Variants in CDYL2 observed in about 807,000 individuals in gnomAD.
The protein encoded by CDYL2 is chromodomain Y-like protein 2.
Under a neutral mutation model 49.4 loss-of-function variants are expected in CDYL2, and 23 were observed. The ratio of observed to expected loss-of-function variants is 0.47; its 90% CI spans 0.34 to 0.66. CDYL2 has a LOEUF of 0.66. CDYL2 is among the 30% of genes least tolerant of loss of function. The probability of loss-of-function intolerance (pLI) is 0.01; values close to 1 mark genes in which losing one functional copy is unlikely to be tolerated. For missense variants in CDYL2, 678 were observed against 656.4 expected (o/e 1.03, Z -0.36); for synonymous variants, 360 against 268.8 (o/e 1.34, Z -3.32).
chr16:80,708,865 T>C (rs1240345482), intron 1 of CDYL2, among the ~76,000 whole-genome samples: 2 of 152,216 alleles, frequency 1.3e-5, no homozygotes, highest in Non-Finnish European at 2.9e-5. Flanking sequence ...TGATGAAATC[T>C]TTATTATAAA....
intron 1 of CDYL2, among the ~76,000 whole-genome samples, chr16:80,801,950 T>A (rs897037125): frequency 6.6e-6 from 1 of 152,196 alleles, no homozygotes; most frequent in Non-Finnish European, 1.5e-5. Context: ...CTTTTAGTAA[T>A]GACTATGCAA....
intron 1 of CDYL2, among the ~76,000 whole-genome samples, chr16:80,796,723 T>G (rs1310531502): frequency 1.3e-5 from 2 of 152,184 alleles, no homozygotes; most frequent in Non-Finnish European, 2.9e-5. Flanking sequence ...ATTCTCCCAC[T>G]TCACCCTGGA....
intron 2 of CDYL2, among the ~76,000 whole-genome samples, chr16:80,654,410 T>C (rs1461015002): frequency 6.6e-6 from 1 of 152,226 alleles, no homozygotes; most frequent in Non-Finnish European, 1.5e-5. Flanking sequence ...TGGCTCTTAT[T>C]TGCTTTATAA....
intron 1 of CDYL2, among the ~76,000 whole-genome samples, chr16:80,743,988 C>T (rs1905839560): frequency 6.6e-6 from 1 of 152,090 alleles, no homozygotes; most frequent in Non-Finnish European, 1.5e-5. Flanking sequence ...AAGGGAACCT[C>T]CCTACTGGAG....
intron 1 of CDYL2, among the ~76,000 whole-genome samples, chr16:80,734,540 G>C (rs1375206462): frequency 1.3e-5 from 2 of 152,186 alleles, no homozygotes; most frequent in African/African-American, 4.8e-5. Context: ...GAGAAACTCA[G>C]AATAGGGAAG....
chr16:80,750,496 A>G (rs1906094553), intron 1 of CDYL2, among the ~76,000 whole-genome samples: 2 of 152,074 alleles, frequency 1.3e-5, no homozygotes, highest in Admixed American at 6.5e-5. Context: ...AAAAGAGGCT[A>G]TAAACACAAA....
chr16:80,784,977 C>T (rs1907387404), intron 1 of CDYL2, among the ~76,000 whole-genome samples: 1 of 151,818 alleles, frequency 6.6e-6, no homozygotes, highest in Admixed American at 6.6e-5. Flanking sequence ...GCTGCATGAA[C>T]AAAAAAGAGT....
At chr16:80,659,946 T>C (rs1483141677) in intron 2 of CDYL2, among the ~76,000 whole-genome samples, 1 of 151,792 alleles carries the variant, frequency 6.6e-6, no homozygotes, top group African/African-American at 2.4e-5. Context: ...GGTAAAGAGT[T>C]CTTAAAAAAA....
In CDYL2 at chr16:80,633,256, A is replaced by G; in HGVS notation, c.617-20T>C. 6.2e-7 allele frequency: 1 copy of G among 1,603,522 alleles called. No homozygotes were observed. Among genetic ancestry groups the G allele is most frequent in the Non-Finnish European group, 8.5e-7 (1 of 1,171,766 alleles). ...CAGAGCCTTCCAAAACCAGATAAAC[A>G]ATGTAAGAAACTGAAATGGACCACG... On this transcript the variant is annotated intron_variant, in intron 2 of 6. Coordinates refer to ENST00000570137, the MANE Select transcript of CDYL2 (RefSeq NM_152342.4).
At chr16:80,713,766 C>G (rs1374915171) in intron 1 of CDYL2, among the ~76,000 whole-genome samples, 1 of 152,098 alleles carries the variant, frequency 6.6e-6, no homozygotes. Flanking sequence ...ATGGCTATAT[C>G]ATAAAAGTGA....
intron 1 of CDYL2, among the ~76,000 whole-genome samples, chr16:80,782,563 A>G (rs908831303): frequency 2.0e-5 from 3 of 151,108 alleles, no homozygotes; most frequent in Non-Finnish European, 4.4e-5. Flanking sequence ...CTACAGGCCA[A>G]TATCCCTGAC....
Position 80,620,726 on chromosome 16 carries a change from C to A in CDYL2, c.1007+37G>T, listed in dbSNP as rs752187658. 2.0e-5 allele frequency: 30 copies of A among 1,514,832 alleles called. 1 individual carries two copies. In the South Asian group the frequency reaches 3.8e-4, roughly 19 times the overall value. The allele number at this position is 1,514,832 out of a possible 1,614,324, so 93.8% of individuals were successfully genotyped here. On this transcript the variant is annotated intron_variant, in intron 4 of 6. Transcript: ENST00000570137. ...TGTATTTTTACTTGGTAATCCTACG[C>A]AGGACCCCAGGGTGTGTGAAAAGGA...
At chr16:80,638,745 T>C (rs768069370) in intron 2 of CDYL2, among the ~76,000 whole-genome samples, 2 of 151,948 alleles carry the variant, frequency 1.3e-5, no homozygotes, top group African/African-American at 2.4e-5. Context: ...TCTCAACAAA[T>C]TGTACTGGAA....
chr16:80,627,113 T>C lies in CDYL2; in HGVS notation c.834+5906A>G, dbSNP rs551853144. Among the ~76,000 whole-genome samples the C allele has an allele frequency of 2.7e-4, 41 of 152,300 alleles. 1 individual carries two copies. Among genetic ancestry groups the C allele is most frequent in the Admixed American group, 2.4e-3 (36 of 15,312 alleles). On this transcript the variant is annotated intron_variant, in intron 3 of 6. Transcript: ENST00000570137. The stretch of plus-strand genomic sequence containing the variant: ...TCTGAATTGAGAATCTCCAGCCCTG[T>C]GCCCTGCTGGAAGGATGGAATAAGC...
intron 2 of CDYL2, among the ~76,000 whole-genome samples, chr16:80,643,165 G>A (rs111395283): frequency 0.017 from 2,588 of 152,216 alleles, 28 homozygotes; most frequent in Middle Eastern, 0.041. Context: ...AAAACAAAGG[G>A]GTTACAGGGC....
intron 2 of CDYL2, among the ~76,000 whole-genome samples, chr16:80,676,963 A>ATTTTTTTTTTTTTTTTTTTTTTTTTTTT (rs35188796): frequency 1.7e-5 from 1 of 60,058 alleles, no homozygotes; most frequent in African/African-American, 5.0e-5. Context: ...AATTCAATGT[A>ATTTTTTTTTTTTTTTTTTTTTTTTTTTT]TTTTTTTTTT....
At chr16:80,735,292 A>G (rs750895524) in intron 1 of CDYL2, among the ~76,000 whole-genome samples, 4 of 152,242 alleles carry the variant, frequency 2.6e-5, no homozygotes, top group Non-Finnish European at 4.4e-5. Flanking sequence ...TCTCTACTCC[A>G]TGTTACAATG....
chr16:80,687,031 C>T (rs1281366385), intron 1 of CDYL2, among the ~76,000 whole-genome samples: 1 of 152,166 alleles, frequency 6.6e-6, no homozygotes, highest in African/African-American at 2.4e-5. Context: ...ACTGAGTATT[C>T]CTTTGTAATA....
At chr16:80,675,667 C>T (rs1051955739) in intron 2 of CDYL2, among the ~76,000 whole-genome samples, 6 of 147,968 alleles carry the variant, frequency 4.1e-5, no homozygotes, top group Non-Finnish European at 9.1e-5. Context: ...ACAGGGAGAG[C>T]GGCTTTTCAC....
Sources: allele counts gnomAD v4.1 joint callset (sites outside exome capture counted in the v4.1 genomes callset), GRCh38; gene constraint gnomAD v4.1.1; transcripts MANE v1.5; gene names NCBI Gene and HGNC (gene_info 2026-07-23, HGNC 2026-07-21).